Variants in RAB27B observed in about 807,000 individuals in gnomAD.
The protein encoded by RAB27B is RAB27B, member RAS oncogene family, also known as ras-related protein Rab-27B.
In RAB27B, 15 loss-of-function variants were observed where a neutral mutation model predicts 24.6. That is an observed-to-expected ratio of 0.61 (90% CI 0.41 to 0.94). RAB27B has a LOEUF of 0.94. Ranked by LOEUF, RAB27B falls within the 40% of genes least tolerant of loss-of-function variation. The pLI is 0.00. For missense variants in RAB27B, 261 were observed against 266.8 expected (o/e 0.98, Z 0.15); for synonymous variants, 105 against 92.5 (o/e 1.14, Z -0.78).
chr18:54,777,671 A>G (rs1198696465), intron 2 of RAB27B, among the ~76,000 whole-genome samples: 1 of 152,232 alleles, frequency 6.6e-6, no homozygotes, highest in African/African-American at 2.4e-5. Context: ...TGTATTTAAC[A>G]TTAGCTGTAA....
chr18:54,816,505 T>A (rs1437134567), intron 2 of RAB27B, among the ~76,000 whole-genome samples: 1 of 152,236 alleles, frequency 6.6e-6, no homozygotes. Flanking sequence ...TGAACATTAA[T>A]AACAAAATGA....
intron 2 of RAB27B, among the ~76,000 whole-genome samples, chr18:54,725,052 T>C (rs1909486451): frequency 6.6e-6 from 1 of 151,476 alleles, no homozygotes; most frequent in Admixed American, 6.6e-5. Flanking sequence ...TTAGGGATGG[T>C]GACTCCTGTG....
At chr18:54,793,453 C>T (rs1909317384) in intron 2 of RAB27B, among the ~76,000 whole-genome samples, 1 of 150,984 alleles carries the variant, frequency 6.6e-6, no homozygotes, top group Non-Finnish European at 1.5e-5. Flanking sequence ...GACAAGAATC[C>T]CCACATATAC....
intron 2 of RAB27B, among the ~76,000 whole-genome samples, chr18:54,724,529 G>A (rs1878490735): frequency 6.6e-6 from 1 of 151,240 alleles, no homozygotes; most frequent in Non-Finnish European, 1.5e-5. Context: ...TTCGAGACCA[G>A]CCTGGCCAAC....
intron 2 of RAB27B, among the ~76,000 whole-genome samples, chr18:54,748,606 C>T (rs537390031): frequency 8.1e-4 from 124 of 152,230 alleles, no homozygotes; most frequent in African/African-American, 2.8e-3. Context: ...TAGATGGACC[C>T]AACCTGGGTT....
At chr18:54,730,896 A>C (rs1909709838) in intron 2 of RAB27B, among the ~76,000 whole-genome samples, 1 of 152,150 alleles carries the variant, frequency 6.6e-6, no homozygotes, top group Non-Finnish European at 1.5e-5. Context: ...ACACTACATG[A>C]GTTTGTTTAC....
At chr18:54,783,607 T>C (rs775515480) in intron 2 of RAB27B, among the ~76,000 whole-genome samples, 11 of 152,108 alleles carry the variant, frequency 7.2e-5, no homozygotes, top group Admixed American at 5.2e-4. Context: ...TAACAAACTC[T>C]AGCTTAAGGT....
At chr18:54,882,969 G>C (rs1912987302) in intron 3 of RAB27B, among the ~76,000 whole-genome samples, 1 of 152,152 alleles carries the variant, frequency 6.6e-6, no homozygotes, top group South Asian at 2.1e-4. Flanking sequence ...AAGTTGTCCA[G>C]GTGAGAGAGA....
intron 2 of RAB27B, among the ~76,000 whole-genome samples, chr18:54,721,019 C>T (rs1205318773): frequency 6.6e-6 from 1 of 152,036 alleles, no homozygotes; most frequent in Non-Finnish European, 1.5e-5. Flanking sequence ...CTGGGAGGCA[C>T]AAATTATGTA....
chr18:54,801,492 A>AT (rs766259323), intron 2 of RAB27B, among the ~76,000 whole-genome samples: 30 of 152,116 alleles, frequency 2.0e-4, no homozygotes, highest in Non-Finnish European at 3.5e-4. Context: ...CAGCTTCCCC[A>AT]TGATGCCCTA....
chr18:54,870,516 T>A (rs1227323404), intron 1 of RAB27B, among the ~76,000 whole-genome samples: 1 of 152,116 alleles, frequency 6.6e-6, no homozygotes. Flanking sequence ...CCAGTGAAAG[T>A]GGATAAGAAA....
intron 2 of RAB27B, among the ~76,000 whole-genome samples, chr18:54,733,978 T>G (rs1463664207): frequency 1.3e-5 from 2 of 152,296 alleles, no homozygotes; most frequent in East Asian, 3.9e-4. Context: ...CAGTGACACT[T>G]AGGTATCATT....
At chr18:54,801,351 A>G (rs1909603666) in intron 2 of RAB27B, among the ~76,000 whole-genome samples, 1 of 152,012 alleles carries the variant, frequency 6.6e-6, no homozygotes, top group Non-Finnish European at 1.5e-5. Context: ...CAACATTCTA[A>G]AATTCATCTT....
At chr18:54,820,280 T>G (rs1910264200) in intron 2 of RAB27B, among the ~76,000 whole-genome samples, 1 of 152,184 alleles carries the variant, frequency 6.6e-6, no homozygotes, top group South Asian at 2.1e-4. Context: ...CTCCAGCACC[T>G]GTTGTTTCCT....
chr18:54,859,413 A>G (rs1911920620), intron 1 of RAB27B, among the ~76,000 whole-genome samples: 1 of 152,138 alleles, frequency 6.6e-6, no homozygotes, highest in African/African-American at 2.4e-5. Context: ...CAACCTTTTT[A>G]TAAGTGTAAT....
chr18:54,796,287 G>C (rs1168874005), intron 2 of RAB27B, among the ~76,000 whole-genome samples: 1 of 152,222 alleles, frequency 6.6e-6, no homozygotes, highest in Non-Finnish European at 1.5e-5. Context: ...ATGCATTCCA[G>C]TGTGCTCTTC....
chr18:54,859,934 A>G (rs1911946553), intron 1 of RAB27B, among the ~76,000 whole-genome samples: 1 of 152,210 alleles, frequency 6.6e-6, no homozygotes, highest in Admixed American at 6.5e-5. Context: ...TGTGAAGTAG[A>G]AGTAAAACCA....
At chr18:54,833,705 A>G (rs1185229488) in intron 1 of RAB27B, among the ~76,000 whole-genome samples, 1 of 152,226 alleles carries the variant, frequency 6.6e-6, no homozygotes. Context: ...AGGAAAGGGC[A>G]TTTCAGTTGA....
At chr18:54,719,991 A>G (rs537605186) in intron 2 of RAB27B, among the ~76,000 whole-genome samples, 1 of 152,098 alleles carries the variant, frequency 6.6e-6, no homozygotes, top group African/African-American at 2.4e-5. Context: ...TAGGGGAAAA[A>G]GTCCCAAGAA....
Sources: gnomAD v4.1 joint callset for allele counts (sites outside exome capture counted in the v4.1 genomes callset) on GRCh38, gnomAD v4.1.1 for gene constraint, MANE v1.5 for transcripts, NCBI Gene and HGNC (gene_info 2026-07-23, HGNC 2026-07-21) for gene names.